The following ARB2A variants were observed in gnomAD, a reference collection of about 807,000 sequenced individuals.
ARB2A encodes cotranscriptional regulator ARB2A.
chr5:94,053,366 A>C, the ARB2A span: 1 of 520,066 alleles, frequency 1.9e-6, no homozygotes, highest in Non-Finnish European at 3.4e-6. Context: ...TACTAAATTG[A>C]ATTCCCAAAA....
At chr5:93,636,991 C>T in the ARB2A span, among the ~76,000 whole-genome samples, 2 of 152,172 alleles carry the variant, frequency 1.3e-5, no homozygotes, top group Non-Finnish European at 2.9e-5. Context: ...AATTGTGATA[C>T]TGACAATGTC....
chr5:93,879,712 A>C, the ARB2A span, among the ~76,000 whole-genome samples: 2 of 151,910 alleles, frequency 1.3e-5, no homozygotes, highest in Non-Finnish European at 2.9e-5. Context: ...TAAAGACAAA[A>C]TAGGAAGAAA....
chr5:94,092,761 T>C, the ARB2A span, among the ~76,000 whole-genome samples: 3 of 152,156 alleles, frequency 2.0e-5, no homozygotes, highest in Non-Finnish European at 4.4e-5. Flanking sequence ...TATACACACA[T>C]AATTATGGAT....
At chr5:93,637,354 G>GTTTTTTTTTTTTTTTTTT in the ARB2A span, among the ~76,000 whole-genome samples, 3 of 116,112 alleles carry the variant, frequency 2.6e-5, no homozygotes, top group Non-Finnish European at 5.1e-5. Flanking sequence ...GGGTTGTTTA[G>GTTTTTTTTTTTTTTTTTT]TTTTTTTTTT....
At chr5:93,847,829 T>C in the ARB2A span, among the ~76,000 whole-genome samples, 1 of 152,230 alleles carries the variant, frequency 6.6e-6, no homozygotes, top group East Asian at 1.9e-4. Context: ...TTCAGGATTA[T>C]AGCATGGGAA....
the ARB2A span, among the ~76,000 whole-genome samples, chr5:94,069,540 A>G: frequency 7.2e-5 from 11 of 152,246 alleles, no homozygotes; most frequent in African/African-American, 2.4e-4. Context: ...TTTATCCAAC[A>G]AAGTATTGAT....
chr5:94,032,247 C>T, the ARB2A span, among the ~76,000 whole-genome samples: 1 of 152,116 alleles, frequency 6.6e-6, no homozygotes, highest in South Asian at 2.1e-4. Flanking sequence ...GCTCATGGTT[C>T]TTCAGGCTTT....
At chr5:93,687,306 T>G in the ARB2A span, among the ~76,000 whole-genome samples, 1 of 152,208 alleles carries the variant, frequency 6.6e-6, no homozygotes, top group Non-Finnish European at 1.5e-5. Context: ...GTATAACTAT[T>G]TTGCAGAACA....
the ARB2A span, chr5:93,805,175 TG>T: frequency 1.0e-6 from 1 of 985,052 alleles, no homozygotes; most frequent in Non-Finnish European, 1.2e-6. Context: ...TCTAAATATA[TG>T]ATGCTTTGTT....
the ARB2A span, chr5:93,862,766 T>A: frequency 6.6e-6 from 1 of 152,122 alleles, no homozygotes; most frequent in Non-Finnish European, 1.5e-5. Flanking sequence ...ACTTTCTAGA[T>A]GATGTTTAGA....
the ARB2A span, among the ~76,000 whole-genome samples, chr5:93,674,868 T>C: frequency 6.6e-6 from 1 of 152,218 alleles, no homozygotes; most frequent in African/African-American, 2.4e-5. Flanking sequence ...GAAGGAACAT[T>C]ATTTGTGCAG....
chr5:93,702,612 C>A, the ARB2A span, among the ~76,000 whole-genome samples: 1 of 152,120 alleles, frequency 6.6e-6, no homozygotes, highest in Non-Finnish European at 1.5e-5. Flanking sequence ...ATAAGCATTT[C>A]TGAATAAATG....
the ARB2A span, among the ~76,000 whole-genome samples, chr5:93,948,267 T>G: frequency 6.6e-6 from 1 of 152,270 alleles, no homozygotes; most frequent in South Asian, 2.1e-4. Flanking sequence ...TGGCCAGTGA[T>G]GATGAGCATT....
At chr5:93,708,718 G>A in the ARB2A span, among the ~76,000 whole-genome samples, 5 of 151,974 alleles carry the variant, frequency 3.3e-5, no homozygotes, top group Non-Finnish European at 1.5e-5. Context: ...TGGCCTCTGG[G>A]TTGGGGAACC....
chr5:94,012,333 C>A, the ARB2A span, among the ~76,000 whole-genome samples: 1 of 152,182 alleles, frequency 6.6e-6, no homozygotes, highest in African/African-American at 2.4e-5. Context: ...ACCCGGGAGG[C>A]GGGGCTTGCA....
the ARB2A span, among the ~76,000 whole-genome samples, chr5:93,910,103 CTTCA>C: frequency 1.3e-5 from 2 of 150,944 alleles, no homozygotes; most frequent in African/African-American, 2.4e-5. Context: ...ATATCACTGA[CTTCA>C]TTCATTTATT....
At chr5:93,817,087 A>AC in the ARB2A span, among the ~76,000 whole-genome samples, 4 of 144,274 alleles carry the variant, frequency 2.8e-5, no homozygotes, top group Admixed American at 6.9e-5. Flanking sequence ...AATACACACA[A>AC]ACACACACAC....
chr5:93,909,237 G>T, the ARB2A span, among the ~76,000 whole-genome samples: 5 of 151,078 alleles, frequency 3.3e-5, no homozygotes, highest in East Asian at 9.7e-4. Flanking sequence ...TTCCTAATGT[G>T]CCACTTCAGT....
the ARB2A span, among the ~76,000 whole-genome samples, chr5:93,966,522 G>A: frequency 1.3e-5 from 2 of 151,998 alleles, no homozygotes; most frequent in Non-Finnish European, 2.9e-5. Context: ...TTGCAACATA[G>A]CAAACCAAGT....
Sources: gnomAD v4.1 joint callset for allele counts (sites outside exome capture counted in the v4.1 genomes callset) on GRCh38, gnomAD v4.1.1 for gene constraint, MANE v1.5 for transcripts, NCBI Gene and HGNC (gene_info 2026-07-23, HGNC 2026-07-21) for gene names.